CNNM1: variants seen among roughly 807,000 people sequenced by gnomAD.
CNNM1 encodes the protein cyclin and CBS domain divalent metal cation transport mediator 1, also known as metal transporter CNNM1.
A neutral mutation model predicts 78.8 loss-of-function variants in CNNM1; 44 were observed. The ratio of observed to expected loss-of-function variants is 0.56; its 90% confidence interval spans 0.44 to 0.72. The LOEUF is 0.72. Among genes scored for constraint, CNNM1 ranks in the 30% least tolerant of loss-of-function variants. The probability of loss-of-function intolerance (pLI) is 0.00; values close to 1 mark genes in which losing one functional copy is unlikely to be tolerated. For synonymous variants in CNNM1, 584 were observed against 581.5 expected (o/e 1.00, Z -0.06); for missense variants, 1,101 against 1,292.2 (o/e 0.85, Z 2.27).
chr10:99,362,588 C>A (rs2031476656), intron 4 of CNNM1, among the ~76,000 whole-genome samples, 192 bp downstream of exon 4: 1 of 152,152 alleles, frequency 6.6e-6, no homozygotes, highest in African/African-American at 2.4e-5. Flanking sequence ...CCTGGGAGTG[C>A]TGGGATCTTT....
rs2032441804 is a variant in CNNM1, at chr10:99,390,475, C to T, written c.2776+68C>T. 6.1e-6 allele frequency: 7 copies of T among 1,154,484 alleles called. No individual in the cohort carries two copies. The African/African-American group carries it at 9.2e-5, about 15-fold the overall frequency. 71.5% of individuals were successfully genotyped at this position (1,154,484 alleles called of 1,614,324 possible). ...ATGGTTAGTAGGAAAAGCATGTTAG[C>T]ATCTTCCTCTTGGGGGAGGAGCCAT... On this transcript the variant is annotated intron_variant, in intron 10 of 10. Coordinates refer to ENST00000356713, the MANE Select transcript of CNNM1 (RefSeq NM_020348.3).
intron 1 of CNNM1, among the ~76,000 whole-genome samples, chr10:99,341,270 C>T (rs1361510393): frequency 6.6e-6 from 1 of 152,048 alleles, no homozygotes; most frequent in African/African-American, 2.4e-5. Flanking sequence ...GGCTCCTGGG[C>T]TGTGTGACAT....
intron 6 of CNNM1, chr10:99,368,782 A>G: frequency 1.3e-6 from 1 of 763,434 alleles, no homozygotes; most frequent in Non-Finnish European, 2.0e-6. Context: ...TCACTCCAAC[A>G]GGCACTCCTG....
intron 1 of CNNM1, among the ~76,000 whole-genome samples, chr10:99,338,174 A>G (rs1199383837): frequency 1.3e-5 from 2 of 152,210 alleles, no homozygotes; most frequent in Admixed American, 6.5e-5. Flanking sequence ...GTCTCAGTAT[A>G]TAAGTACAGG....
intron 1 of CNNM1, among the ~76,000 whole-genome samples, chr10:99,349,743 G>A (rs1370425434): frequency 5.3e-5 from 8 of 152,176 alleles, no homozygotes; most frequent in South Asian, 2.1e-4. Flanking sequence ...GCTCACGCCC[G>A]TAATCCCAGC....
At chr10:99,367,304 G>A (rs900852276) in intron 6 of CNNM1, among the ~76,000 whole-genome samples, 5 of 152,202 alleles carry the variant, frequency 3.3e-5, no homozygotes, top group Non-Finnish European at 5.9e-5. Flanking sequence ...AGGATGAGGA[G>A]TGAGATTATG....
intron 3 of CNNM1, 72 bp downstream of exon 3, chr10:99,361,047 T>C (rs1564949929): frequency 1.4e-6 from 2 of 1,445,156 alleles, no homozygotes; most frequent in East Asian, 4.8e-5. Flanking sequence ...CAATCGTTGT[T>C]AATACCTTCC....
At chr10:99,380,346 G>A (rs2032102411) in intron 7 of CNNM1, among the ~76,000 whole-genome samples, 1 of 152,144 alleles carries the variant, frequency 6.6e-6, no homozygotes, top group Non-Finnish European at 1.5e-5. Context: ...GAGTAGAAAA[G>A]TGAAGGAGAT....
rs143195265 is a variant in CNNM1 at position 99,336,323 on chromosome 10, T to A, written c.1573+5363T>A. On this transcript the variant is annotated intron_variant, in intron 1 of 10. Transcript: ENST00000356713. The stretch of plus-strand genomic sequence containing the variant: ...TACAGTATTTGGCACAGTAACATGC[T>A]CTACAGGTTTGTAGCCTAGGAGCAA... Among the ~76,000 whole-genome samples, 3 of 152,362 alleles carry A rather than the reference T, an allele frequency of 2.0e-5. No individual in the cohort carries two copies. In the East Asian group the frequency reaches 5.8e-4, roughly 29 times the overall value.
intron 6 of CNNM1, among the ~76,000 whole-genome samples, chr10:99,368,879 T>C (rs868389193): frequency 2.6e-5 from 4 of 152,310 alleles, no homozygotes; most frequent in Non-Finnish European, 1.5e-5. Context: ...ATTTGTGAGT[T>C]TACCTCCCAG....
At chr10:99,339,844 G>C (rs2030362889) in intron 1 of CNNM1, among the ~76,000 whole-genome samples, 1 of 152,158 alleles carries the variant, frequency 6.6e-6, no homozygotes, top group Non-Finnish European at 1.5e-5. Flanking sequence ...GCTGACCGTA[G>C]CTATTTTTGC....
intron 1 of CNNM1, among the ~76,000 whole-genome samples, chr10:99,347,119 C>G (rs2030728376): frequency 6.6e-6 from 1 of 151,936 alleles, no homozygotes; most frequent in Non-Finnish European, 1.5e-5. Flanking sequence ...AATCTGTATA[C>G]CAAACCTCTG....
chr10:99,370,345 A>G (rs989451026), intron 6 of CNNM1, among the ~76,000 whole-genome samples: 1 of 151,290 alleles, frequency 6.6e-6, no homozygotes. Flanking sequence ...CCCTTGGTTT[A>G]ACTCTGCAGG....
At chr10:99,368,543 G>T (rs2031696336) in intron 6 of CNNM1, 2 of 969,694 alleles carry the variant, frequency 2.1e-6, no homozygotes, top group South Asian at 1.3e-5. Flanking sequence ...CACCCACTTT[G>T]TTCTTTGTCT....
chr10:99,331,053 T>C lies in CNNM1; in HGVS notation c.1573+93T>C. 19 of 1,274,718 alleles carry C rather than the reference T, an allele frequency of 1.5e-5. No homozygotes were observed. The South Asian group carries it at 2.6e-4, about 17-fold the overall frequency. 79.0% of individuals were successfully genotyped at this position (1,274,718 alleles called of 1,614,324 possible). On this transcript the variant is annotated intron_variant, in intron 1 of 10. Coordinates refer to ENST00000356713, the MANE Select transcript of CNNM1 (RefSeq NM_020348.3). ...GTGAGGCTCTAGGTACCCAAAGCAA[T>C]TTCTCTCCTATGGTACTAAAAACCC...
chr10:99,367,407 A>T (rs1460378397), intron 6 of CNNM1, among the ~76,000 whole-genome samples: 2 of 151,988 alleles, frequency 1.3e-5, no homozygotes, highest in Non-Finnish European at 2.9e-5. Context: ...AGGTGAAGGG[A>T]ACATAATCTA....
intron 1 of CNNM1, among the ~76,000 whole-genome samples, chr10:99,351,003 G>C (rs1457305738): frequency 6.6e-6 from 1 of 152,112 alleles, no homozygotes; most frequent in South Asian, 2.1e-4. Flanking sequence ...TCCCCTGGGG[G>C]GCAAAATCAC....
chr10:99,377,724 A>G (rs2032020140), intron 7 of CNNM1, among the ~76,000 whole-genome samples: 1 of 152,160 alleles, frequency 6.6e-6, no homozygotes, highest in African/African-American at 2.4e-5. Context: ...TTAAAGTCTA[A>G]AACACAACTT....
Position 99,377,150 on chromosome 10 carries a change from A to G in CNNM1, c.2272A>G (p.Ser758Gly). 1 of 1,613,224 alleles carries G rather than the reference A, an allele frequency of 6.2e-7. No homozygotes were observed. The highest frequency in any genetic ancestry group is 8.5e-7 in the Non-Finnish European group (1 of 1,179,660). The change falls in exon 7 of 11, where the codon AGC becomes GGC. Residue 758 changes from serine (S) to glycine (G), a missense_variant. Ser to Gly is a moderately conservative substitution (Grantham distance 56, BLOSUM62 0). Transcript: ENST00000356713. ...DFGGSNTQLY[S>G]SSNNLYMPDY... is the part of the protein sequence containing the mutation. Reference sequence around the variant, plus strand: ...TGGGGGCAGCAACACCCAGCTGTACAGCAGCAGCAACAACCTCTACATGCC... The same window carrying G: ...TGGGGGCAGCAACACCCAGCTGTACGGCAGCAGCAACAACCTCTACATGCC...
Sources: allele counts gnomAD v4.1 joint callset (sites outside exome capture counted in the v4.1 genomes callset), GRCh38; gene constraint gnomAD v4.1.1; transcripts MANE v1.5; gene names NCBI Gene and HGNC (gene_info 2026-07-23, HGNC 2026-07-21).